Variants in AGXT2 observed in about 807,000 individuals in gnomAD.
AGXT2 encodes alanine--glyoxylate aminotransferase 2.
In AGXT2, 61 loss-of-function variants were observed where a neutral mutation model predicts 62.5. The ratio of observed to expected loss-of-function variants is 0.98; its 90% CI spans 0.79 to 1.21. The LOEUF (loss-of-function observed/expected upper bound fraction) is 1.21. AGXT2 is among the 50% of genes most tolerant of loss of function. AGXT2 has a pLI of 0.00. For missense variants in AGXT2, 666 were observed against 641.5 expected (o/e 1.04, Z -0.41); for synonymous variants, 243 against 218.7 (o/e 1.11, Z -0.98).
intron 7 of AGXT2, among the ~76,000 whole-genome samples, 190 bp downstream of exon 7, chr5:35,032,542 A>G (rs1767608534): frequency 6.6e-6 from 1 of 152,190 alleles, no homozygotes; most frequent in Non-Finnish European, 1.5e-5. Flanking sequence ...ATGGTCTGAG[A>G]GTGAAGTGAT....
intron 12 of AGXT2, among the ~76,000 whole-genome samples, chr5:35,008,717 A>ATG (rs1284547843): frequency 6.6e-6 from 1 of 152,138 alleles, no homozygotes; most frequent in Admixed American, 6.5e-5. Flanking sequence ...TGGCTGTGAC[A>ATG]TGTGGTATGA....
chr5:35,025,459 T>C (rs753586552), intron 9 of AGXT2, among the ~76,000 whole-genome samples: 6 of 152,180 alleles, frequency 3.9e-5, no homozygotes, highest in Non-Finnish European at 8.8e-5. Flanking sequence ...CCTGAAACAA[T>C]CCCTAGAAAG....
intron 1 of AGXT2, among the ~76,000 whole-genome samples, chr5:35,045,766 T>C (rs1768171659): frequency 3.0e-5 from 1 of 33,690 alleles, no homozygotes; most frequent in African/African-American, 8.4e-5. Context: ...TCTTTTTTCT[T>C]TTTTTTTTTT....
rs758853262 is a variant in AGXT2 at position 35,037,035 on chromosome 5, G to A, written c.393C>T (p.Leu131=). 1.1e-5 allele frequency: 18 copies of A among 1,614,070 alleles called. No individual in the cohort carries two copies. The highest frequency in any genetic ancestry group is 5.3e-5 in the African/African-American group (4 of 74,948). Residue 131 remains leucine, a synonymous_variant, in exon 4 of 14, where the codon CTC becomes CTT. Coordinates refer to ENST00000231420, the MANE Select transcript of AGXT2 (RefSeq NM_031900.4). ...CGGTGCTTGTATGCCACAGGCGGCC[G>A]AGCTGCTTTTGTGCCACTGCATTCA... ...PKVNAVAQKQ[L]GRLWHTSTVF...
At chr5:35,010,884 A>G (rs1336220934) in intron 11 of AGXT2, among the ~76,000 whole-genome samples, 3 of 152,214 alleles carry the variant, frequency 2.0e-5, no homozygotes, top group African/African-American at 7.2e-5. Context: ...TTTGCTCAGC[A>G]GGCCTCAGCC....
intron 12 of AGXT2, among the ~76,000 whole-genome samples, chr5:35,008,772 A>G (rs1766520507): frequency 6.6e-6 from 1 of 152,184 alleles, no homozygotes; most frequent in African/African-American, 2.4e-5. Flanking sequence ...ATTGAGCATC[A>G]ATCCTTCTAA....
intron 12 of AGXT2, among the ~76,000 whole-genome samples, chr5:35,007,172 T>G (rs1373143955): frequency 6.6e-6 from 1 of 152,166 alleles, no homozygotes; most frequent in African/African-American, 2.4e-5. Context: ...TTTGCCTCAT[T>G]TACTAGGTGA....
chr5:35,035,606 G>GGAA (rs3996904), intron 4 of AGXT2, among the ~76,000 whole-genome samples: 1 of 150,912 alleles, frequency 6.6e-6, no homozygotes, highest in Non-Finnish European at 1.5e-5. Flanking sequence ...TGCCAAGGGA[G>GGAA]ACTTGCTGAG....
intron 9 of AGXT2, among the ~76,000 whole-genome samples, chr5:35,024,271 C>G (rs759005892): frequency 6.6e-6 from 1 of 152,178 alleles, no homozygotes; most frequent in African/African-American, 2.4e-5. Flanking sequence ...AACATACTTA[C>G]AGGTTCTCCA....
chr5:35,031,653 A>G (rs953510232), intron 7 of AGXT2, among the ~76,000 whole-genome samples: 6 of 152,208 alleles, frequency 3.9e-5, no homozygotes, highest in African/African-American at 1.2e-4. Context: ...AAGAATGCGA[A>G]TAAAAATGTG....
At position 35,032,793 on chromosome 5, in the gene AGXT2, C is replaced by A; in HGVS notation, c.708G>T (p.Trp236Cys). 1.2e-6 allele frequency: 2 copies of A among 1,608,100 alleles called. No homozygotes were observed. The highest frequency in any genetic ancestry group is 1.7e-5 in the Admixed American group (1 of 59,390). The change falls in exon 7 of 14, where the codon TGG (tryptophan) becomes TGT (cysteine). Residue 236 changes from tryptophan to cysteine, a missense_variant. Physicochemically the swap from Trp to Cys is radical, Grantham distance 215. Coordinates refer to ENST00000231420, the MANE Select transcript of AGXT2 (RefSeq NM_031900.4). ...GAGAATCTCGACAGTGGCTTCCTCC[C>A]CAAGGGCCACGAAAAACATCTGGAC... is the stretch of plus-strand genomic sequence containing the variant. ...TMCPDVFRGP[W>C]GGSHCRDSPV...
chr5:35,047,916 C>T lies in AGXT2; in HGVS notation c.-24G>A, dbSNP rs762565454. On this transcript the variant is annotated 5_prime_UTR_variant, in exon 1 of 14. Coordinates refer to ENST00000231420, the MANE Select transcript of AGXT2 (RefSeq NM_031900.4). ...ATTTCTCCCACTCAGAAAGCCAACCCCCATGGAAGCAGATTGGAGGCCGGG... is the reference window on the plus strand; with the variant it reads ...ATTTCTCCCACTCAGAAAGCCAACCTCCATGGAAGCAGATTGGAGGCCGGG... 6.2e-7 allele frequency: 1 copy of T among 1,613,714 alleles called. No individual in the cohort carries two copies. Among genetic ancestry groups the T allele is most frequent in the South Asian group, 1.1e-5 (1 of 91,040 alleles).
At chr5:35,040,862 CA>C (rs1245509437) in intron 1 of AGXT2, among the ~76,000 whole-genome samples, 199 bp from the exon 2 acceptor site, 1 of 149,440 alleles carries the variant, frequency 6.7e-6, no homozygotes, top group Non-Finnish European at 1.5e-5. Context: ...TAGTTCTTCT[CA>C]AATATAGTCT....
rs560816339 is a variant in AGXT2, at chr5:35,029,636, G to A, written c.769+3096C>T. On this transcript the variant is annotated intron_variant, in intron 7 of 13. Transcript: ENST00000231420. ...AGAATTTATTCCAGCTAGTGGTACA[G>A]AAAGAGTTAAGCTGAGTGAGGAGCC... Among the ~76,000 whole-genome samples, 6 of 152,322 alleles carry A rather than the reference G, an allele frequency of 3.9e-5. No homozygotes were observed. In the South Asian group the frequency reaches 1.2e-3, roughly 32 times the overall value.
chr5:35,008,961 A>G (rs1445926570), intron 12 of AGXT2, among the ~76,000 whole-genome samples: 2 of 152,220 alleles, frequency 1.3e-5, no homozygotes, highest in Non-Finnish European at 2.9e-5. Context: ...GGGCTGCAGT[A>G]GAAACAAAGG....
At position 35,039,426 on chromosome 5, in the gene AGXT2, A is replaced by T; in HGVS notation, c.260T>A (p.Leu87Gln). 1 of 1,614,160 alleles carries T rather than the reference A, an allele frequency of 6.2e-7. No homozygotes were observed. The highest frequency in any genetic ancestry group is 1.1e-5 in the South Asian group (1 of 91,080). Reference protein sequence around the residue: ...VVTAYFQKPLLLHQGHMEWLF... With the variant: ...VVTAYFQKPLQLHQGHMEWLF... ...CCACTCCATGTGCCCCTGGTGGAGC[A>T]GCAGGGGTTTCTGGAAATATGCCGT... is the stretch of plus-strand genomic sequence containing the variant. The change falls in exon 3 of 14, where the codon CTG becomes CAG. Residue 87 changes from leucine to glutamine, a missense_variant. By Grantham distance (113) the Leu-to-Gln change is moderately radical. Coordinates refer to ENST00000231420, the MANE Select transcript of AGXT2 (RefSeq NM_031900.4).
chr5:35,041,080 C>A (rs1767968115), intron 1 of AGXT2, among the ~76,000 whole-genome samples: 1 of 151,926 alleles, frequency 6.6e-6, no homozygotes, highest in Admixed American at 6.6e-5. Context: ...TAGCCAGTGC[C>A]TGGTACCTGG....
rs1247277113 is a variant in AGXT2 at position 34,998,489 on chromosome 5, G to T, written c.*230C>A. 5.1e-6 allele frequency: 3 copies of T among 587,082 alleles called. No individual in the cohort carries two copies. Among genetic ancestry groups the T allele is most frequent in the Non-Finnish European group, 9.1e-6 (3 of 330,592 alleles). The allele number at this position is 587,082 out of a possible 1,614,324, so 36.4% of individuals were successfully genotyped here. On this transcript the variant is annotated 3_prime_UTR_variant, in exon 14 of 14. Coordinates refer to ENST00000231420, the MANE Select transcript of AGXT2 (RefSeq NM_031900.4). Reference sequence around the variant, plus strand: ...ACCATACCTAACATAAACTAATTAGGATTTATTCTCTGAGCTAGGGAGATC... The same window carrying T: ...ACCATACCTAACATAAACTAATTAGTATTTATTCTCTGAGCTAGGGAGATC...
intron 10 of AGXT2, among the ~76,000 whole-genome samples, chr5:35,013,360 C>T (rs1444431964): frequency 6.6e-6 from 1 of 152,174 alleles, no homozygotes; most frequent in Non-Finnish European, 1.5e-5. Flanking sequence ...GAAGAGACAC[C>T]AGAGCCCTCT....
Sources: gnomAD v4.1 joint callset for allele counts (sites outside exome capture counted in the v4.1 genomes callset) on GRCh38, gnomAD v4.1.1 for gene constraint, MANE v1.5 for transcripts, NCBI Gene and HGNC (gene_info 2026-07-23, HGNC 2026-07-21) for gene names.